DEPDC1B: variants seen among roughly 807,000 people sequenced by gnomAD.
DEPDC1B encodes the protein DEP domain-containing protein 1B.
Under a neutral mutation model 66.5 loss-of-function variants are expected in DEPDC1B, and 51 were observed. The observed-to-expected ratio is 0.77, with a 90% CI of 0.61 to 0.97. The LOEUF (loss-of-function observed/expected upper bound fraction) is 0.97, where lower values mean the gene tolerates loss of function less well. Ranked by LOEUF, DEPDC1B falls within the 50% of genes least tolerant of loss-of-function variation. The probability of loss-of-function intolerance (pLI) is 0.00; values close to 1 mark genes in which losing one functional copy is unlikely to be tolerated. For synonymous variants in DEPDC1B, 226 were observed against 223.6 expected (o/e 1.01, Z -0.10); for missense variants, 552 against 637.1 (o/e 0.87, Z 1.44).
chr5:60,654,717 G>A (rs771378233), intron 2 of DEPDC1B, among the ~76,000 whole-genome samples: 3 of 148,618 alleles, frequency 2.0e-5, no homozygotes, highest in African/African-American at 7.6e-5. Context: ...TTCTCAGGGG[G>A]AATGCTTTCC....
At chr5:60,605,504 C>A (rs1167035583) in intron 8 of DEPDC1B, among the ~76,000 whole-genome samples, 186 bp downstream of exon 8, 1 of 152,122 alleles carries the variant, frequency 6.6e-6, no homozygotes, top group Non-Finnish European at 1.5e-5. Context: ...CTACTCAAGT[C>A]TCCATTTCTC....
At chr5:60,665,080 AC>A (rs1293801980) in intron 2 of DEPDC1B, among the ~76,000 whole-genome samples, 1 of 152,088 alleles carries the variant, frequency 6.6e-6, no homozygotes, top group Non-Finnish European at 1.5e-5. Flanking sequence ...CTTATAGAGG[AC>A]CCCTAGTATG....
intron 7 of DEPDC1B, among the ~76,000 whole-genome samples, chr5:60,622,199 C>A (rs950447435): frequency 6.6e-6 from 1 of 152,084 alleles, no homozygotes. Context: ...TCTTCCGCCC[C>A]CCCAAAGAAT....
chr5:60,680,477 T>C (rs1228459618), intron 2 of DEPDC1B, among the ~76,000 whole-genome samples: 4 of 152,220 alleles, frequency 2.6e-5, no homozygotes, highest in Non-Finnish European at 5.9e-5. Context: ...ATTTCTTAAA[T>C]CTAGAAATCA....
chr5:60,618,707 G>A (rs1752628126), intron 7 of DEPDC1B, among the ~76,000 whole-genome samples: 1 of 152,154 alleles, frequency 6.6e-6, no homozygotes, highest in African/African-American at 2.4e-5. Context: ...TCTACCACAG[G>A]TACAAGGAGG....
chr5:60,607,247 G>A (rs1752328826), intron 7 of DEPDC1B, among the ~76,000 whole-genome samples: 1 of 152,166 alleles, frequency 6.6e-6, no homozygotes, highest in Non-Finnish European at 1.5e-5. Context: ...ACTGCCAGAG[G>A]AAGGAGATTG....
At chr5:60,670,444 A>ATTAAT (rs1261327530) in intron 2 of DEPDC1B, among the ~76,000 whole-genome samples, 2 of 152,230 alleles carry the variant, frequency 1.3e-5, no homozygotes, top group African/African-American at 4.8e-5. Context: ...AAATGCTGAG[A>ATTAAT]GATTAAGCAC....
intron 2 of DEPDC1B, among the ~76,000 whole-genome samples, chr5:60,676,656 C>T (rs908592809): frequency 6.6e-6 from 1 of 152,116 alleles, no homozygotes; most frequent in Non-Finnish European, 1.5e-5. Flanking sequence ...TGCCATCTTT[C>T]CTTTTCCTTC....
chr5:60,645,930 A>T (rs903216148), intron 3 of DEPDC1B, among the ~76,000 whole-genome samples: 1 of 152,272 alleles, frequency 6.6e-6, no homozygotes, highest in Non-Finnish European at 1.5e-5. Flanking sequence ...TCAGTGAAAT[A>T]GCAGTGAAAT....
chr5:60,648,102 T>C (rs554086626), intron 2 of DEPDC1B: 1 of 152,302 alleles, frequency 6.6e-6, no homozygotes, highest in South Asian at 2.1e-4. Flanking sequence ...TTTGACATAA[T>C]TTTTTGGGGC....
intron 7 of DEPDC1B, among the ~76,000 whole-genome samples, chr5:60,616,412 G>A (rs1752556152): frequency 2.0e-5 from 3 of 152,050 alleles, no homozygotes; most frequent in African/African-American, 7.2e-5. Flanking sequence ...CAGACGAACG[G>A]CTAACTAGAA....
At chr5:60,694,286 T>G (rs2112049440) in intron 1 of DEPDC1B, among the ~76,000 whole-genome samples, 1 of 152,332 alleles carries the variant, frequency 6.6e-6, no homozygotes, top group East Asian at 1.9e-4. Context: ...GATACCTCCC[T>G]GCGTCATACC....
At chr5:60,600,690 C>T (rs1752184123) in intron 9 of DEPDC1B, among the ~76,000 whole-genome samples, 1 of 152,188 alleles carries the variant, frequency 6.6e-6, no homozygotes, top group South Asian at 2.1e-4. Context: ...TGTCTCTTAA[C>T]AAGATCATGT....
intron 2 of DEPDC1B, among the ~76,000 whole-genome samples, chr5:60,665,732 C>T (rs1221256574): frequency 2.0e-5 from 3 of 152,114 alleles, no homozygotes; most frequent in South Asian, 2.1e-4. Flanking sequence ...TTTCCTAGGC[C>T]GACTAAGAAT....
At chr5:60,687,517 A>C (rs886631936) in intron 1 of DEPDC1B, among the ~76,000 whole-genome samples, 6 of 151,808 alleles carry the variant, frequency 4.0e-5, no homozygotes, top group Non-Finnish European at 8.8e-5. Context: ...ACCATAATTA[A>C]AACAAAAATA....
Position 60,597,303 on chromosome 5 carries a change from AC to A in DEPDC1B, c.*449del, listed in dbSNP as rs1347124276. 6.5e-6 allele frequency: 1 copy of A among 153,126 alleles called. No individual in the cohort carries two copies. Among genetic ancestry groups the A allele is most frequent in the Non-Finnish European group, 1.5e-5 (1 of 68,420 alleles). The allele number at this position is 153,126 out of a possible 1,614,324, so 9.5% of individuals were successfully genotyped here. A position where few individuals can be genotyped will look rare whatever the true frequency, so the allele number is the denominator to read the frequency against. On this transcript the variant is annotated 3_prime_UTR_variant, in exon 11 of 11. Coordinates refer to ENST00000265036, the MANE Select transcript of DEPDC1B (RefSeq NM_018369.3). Reference sequence around the variant, plus strand: ...TATACAGGAGAAATGATAATTGGCTACTAAGTCAATAGCATCACAGTAACAG... The same window carrying A: ...TATACAGGAGAAATGATAATTGGCTATAAGTCAATAGCATCACAGTAACAG...
chr5:60,614,665 T>C (rs1457736870), intron 7 of DEPDC1B, among the ~76,000 whole-genome samples: 1 of 152,220 alleles, frequency 6.6e-6, no homozygotes, highest in Non-Finnish European at 1.5e-5. Flanking sequence ...TGCATTTATT[T>C]ATCAAAATAT....
intron 2 of DEPDC1B, among the ~76,000 whole-genome samples, chr5:60,670,974 G>GTGGCACTTCCTGGAGATCTACA (rs1393216535): frequency 6.6e-6 from 1 of 151,102 alleles, no homozygotes; most frequent in Non-Finnish European, 1.5e-5. Context: ...AGAAACACCT[G>GTGGCACTTCCTGGAGATCTACA]TGGCACTTCC....
At chr5:60,647,264 G>C in intron 3 of DEPDC1B, 134 bp downstream of exon 3, 1 of 1,079,738 alleles carries the variant, frequency 9.3e-7, no homozygotes, top group Non-Finnish European at 1.3e-6. Flanking sequence ...TCTCCCAGCT[G>C]TTGGCAGGTA....
Sources: gnomAD v4.1 joint callset for allele counts (sites outside exome capture counted in the v4.1 genomes callset) on GRCh38, gnomAD v4.1.1 for gene constraint, MANE v1.5 for transcripts, NCBI Gene and HGNC (gene_info 2026-07-23, HGNC 2026-07-21) for gene names.